CHI3L2: variants seen among roughly 807,000 people sequenced by gnomAD.
CHI3L2 encodes the protein chitinase-3-like protein 2.
A neutral mutation model predicts 47.3 loss-of-function variants in CHI3L2; 47 were observed. That is an observed-to-expected ratio of 0.99 (90% CI 0.79 to 1.27). The LOEUF is 1.27. Among genes scored for constraint, CHI3L2 ranks in the 50% most tolerant of loss-of-function variants. The pLI, the probability that CHI3L2 is intolerant of heterozygous loss-of-function variation, is 0.00. For synonymous variants in CHI3L2, 198 were observed against 169.9 expected, an observed-to-expected ratio of 1.17 and a Z score of -1.28; for missense variants, 497 against 462.1, an observed-to-expected ratio of 1.08 and a Z score of -0.69.
intron 4 of CHI3L2, among the ~76,000 whole-genome samples, chr1:111,233,280 T>C (rs1659779568): frequency 6.6e-6 from 1 of 152,116 alleles, no homozygotes; most frequent in South Asian, 2.1e-4. Flanking sequence ...GGGATGCTTG[T>C]TTGGGGACCA....
intron 7 of CHI3L2, among the ~76,000 whole-genome samples, chr1:111,238,193 C>T (rs1206450216): frequency 1.3e-5 from 2 of 152,218 alleles, no homozygotes; most frequent in Non-Finnish European, 2.9e-5. Flanking sequence ...TGAAATCAAG[C>T]TGTAACCTGA....
At chr1:111,243,145 A>C (rs1315881913) in intron 10 of CHI3L2, 72 bp from the exon 11 acceptor site, 1 of 455,922 alleles carries the variant, frequency 2.2e-6, no homozygotes, top group Admixed American at 2.3e-5. Flanking sequence ...CTGAGCATCC[A>C]TTGTTTAGTA....
chr1:111,233,759 G>T (rs1659796686), intron 4 of CHI3L2, among the ~76,000 whole-genome samples: 1 of 151,902 alleles, frequency 6.6e-6, no homozygotes, highest in Non-Finnish European at 1.5e-5. Context: ...AGGGGGGAAA[G>T]GTGGGGAAAA....
chr1:111,237,336 T>G (rs996445713), intron 7 of CHI3L2, among the ~76,000 whole-genome samples: 1 of 152,234 alleles, frequency 6.6e-6, no homozygotes, highest in African/African-American at 2.4e-5. Context: ...GCTTGGAGGT[T>G]AGAAGCAAGA....
intron 7 of CHI3L2, among the ~76,000 whole-genome samples, chr1:111,236,459 C>T (rs747121549): frequency 2.0e-5 from 3 of 152,186 alleles, no homozygotes; most frequent in Non-Finnish European, 4.4e-5. Flanking sequence ...GGCATCTACA[C>T]AGGAGAACAG....
chr1:111,237,063 A>G (rs570018379), intron 7 of CHI3L2, among the ~76,000 whole-genome samples: 69 of 152,116 alleles, frequency 4.5e-4, no homozygotes, highest in Non-Finnish European at 8.5e-4. Context: ...TCAAGCACTG[A>G]TCTTAGGTTT....
In CHI3L2 at chr1:111,229,843, C is replaced by G; in HGVS notation, c.41-9C>G. 1.2e-6 allele frequency: 2 copies of G among 1,614,028 alleles called. No homozygotes were observed. The highest frequency in any genetic ancestry group is 1.7e-6 in the Non-Finnish European group (2 of 1,179,980). On this transcript the variant is annotated splice_polypyrimidine_tract_variant and intron_variant, in intron 1 of 10. Transcript: ENST00000369748. ...TCAACAGATTTCTCTTTCCACCCAT[C>G]TATTGCAGGTGTAGTGGTCTTGCTG...
Position 111,230,885 on chromosome 1 carries a change from A to G in CHI3L2, c.214A>G (p.Ile72Val). ...CGCCAGCATCGAAAACAACAAGGTT[A>G]TCATCAAGGACAAGAGTGAAGTGAT... is the stretch of plus-strand genomic sequence containing the variant. Reference protein sequence around the residue: ...SFASIENNKVIIKDKSEVMLY... With the variant: ...SFASIENNKVVIKDKSEVMLY... The change falls in exon 3 of 11, where the codon ATC becomes GTC. Residue 72 changes from isoleucine (I) to valine (V), a missense_variant. Physicochemically the swap from Ile to Val is conservative, Grantham distance 29. Coordinates refer to ENST00000369748, the MANE Select transcript of CHI3L2 (RefSeq NM_004000.3). The G allele has an allele frequency of 6.2e-7, 1 of 1,614,206 alleles. No individual in the cohort carries two copies. Among genetic ancestry groups the G allele is most frequent in the Middle Eastern group, 1.6e-4 (1 of 6,062 alleles).
rs1450784126 is a variant in CHI3L2 at position 111,243,216 on chromosome 1, G to A, written c.*3-1G>A. 2.2e-6 allele frequency: 1 copy of A among 456,028 alleles called. No homozygotes were observed. The highest frequency in any genetic ancestry group is 2.3e-5 in the Admixed American group (1 of 42,570). The allele number at this position is 456,028 out of a possible 1,614,324, so 28.2% of individuals were successfully genotyped here. A position where few individuals can be genotyped will look rare whatever the true frequency, so the allele number is the denominator to read the frequency against. On this transcript the variant is annotated splice_acceptor_variant, in intron 10 of 10. Coordinates refer to ENST00000369748, the MANE Select transcript of CHI3L2 (RefSeq NM_004000.3). LOFTEE classifies it low-confidence loss of function (3UTR_SPLICE). ...TGAAATATTTTTCCTTTTGTTTCCA[G>A]GATTAACTTACAGAGAAGCAGGCAA... is the stretch of plus-strand genomic sequence containing the variant.
intron 8 of CHI3L2, chr1:111,239,320 G>C: frequency 5.7e-6 from 1 of 174,194 alleles, no homozygotes; most frequent in Non-Finnish European, 1.2e-5. Context: ...GATCAGTTTT[G>C]GACGTTCTGA....
chr1:111,230,972 G>A (rs1267105564), intron 3 of CHI3L2, 29 bp downstream of exon 3: 1 of 1,585,088 alleles, frequency 6.3e-7, no homozygotes, highest in Non-Finnish European at 8.7e-7. Context: ...GAAGCATCCT[G>A]CATGGATTTT....
chr1:111,238,331 C>T (rs1054282421), intron 7 of CHI3L2, among the ~76,000 whole-genome samples: 17 of 152,160 alleles, frequency 1.1e-4, no homozygotes, highest in African/African-American at 4.1e-4. Context: ...TGACATGTCC[C>T]ATTGGGTGCA....
chr1:111,238,781 G>A lies in CHI3L2; in HGVS notation c.767G>A (p.Gly256Glu), dbSNP rs770490468. Reference protein sequence around the residue: ...EYAVGYWIHKGMPSEKVVMGI... With the variant: ...EYAVGYWIHKEMPSEKVVMGI... ...GCTGTGGGGTACTGGATACATAAGGGAATGCCATCAGAGAAGGTGGTCATG... is the reference window on the plus strand; with the variant it reads ...GCTGTGGGGTACTGGATACATAAGGAAATGCCATCAGAGAAGGTGGTCATG... Residue 256 changes from glycine (G) to glutamate (E), a missense_variant, in exon 8 of 11, where the codon GGA (glycine) becomes GAA (glutamate). By Grantham distance (98) the Gly-to-Glu change is moderately conservative (BLOSUM62 -2). Coordinates refer to ENST00000369748, the MANE Select transcript of CHI3L2 (RefSeq NM_004000.3). 6.2e-7 allele frequency: 1 copy of A among 1,613,908 alleles called. No individual in the cohort carries two copies. The highest frequency in any genetic ancestry group is 2.2e-5 in the East Asian group (1 of 44,860).
intron 8 of CHI3L2, chr1:111,239,198 A>G (rs1659976007): frequency 2.8e-6 from 1 of 351,300 alleles, no homozygotes; most frequent in African/African-American, 2.1e-5. Flanking sequence ...GAAATTGAAA[A>G]AGGAAGACTA....
chr1:111,236,253 G>C (rs113388792), intron 7 of CHI3L2, 100 bp downstream of exon 7: 26,454 of 1,320,818 alleles, frequency 0.02, 339 homozygotes, highest in Non-Finnish European at 0.023. Context: ...CTGAGGAAGA[G>C]CTATGAGCCC....
In CHI3L2 at chr1:111,229,874, C is replaced by G; in HGVS notation, c.63C>G (p.Leu21=). The G allele has an allele frequency of 6.2e-7, 1 of 1,613,786 alleles. No individual in the cohort carries two copies. Among genetic ancestry groups the G allele is most frequent in the Non-Finnish European group, 8.5e-7 (1 of 1,179,870 alleles). Residue 21 remains leucine, a synonymous_variant, in exon 2 of 11, where the codon CTC becomes CTG. Coordinates refer to ENST00000369748, the MANE Select transcript of CHI3L2 (RefSeq NM_004000.3). ...LWAGVVVLLL[L]QGGSAYKLVC... ...CAGGTGTAGTGGTCTTGCTGCTTCT[C>G]CAGGGAGGTAAGTAGTCAATAAGTC...
At chr1:111,229,964 C>A in intron 2 of CHI3L2, 83 bp downstream of exon 2, 1 of 1,467,916 alleles carries the variant, frequency 6.8e-7, no homozygotes, top group Non-Finnish European at 9.5e-7. Context: ...TTTTCTGCTA[C>A]ATGCTTTTTC....
Position 111,230,738 on chromosome 1 carries a change from C to T in CHI3L2, c.71-4C>T. The T allele has an allele frequency of 1.2e-6, 2 of 1,613,924 alleles. No individual in the cohort carries two copies. Among genetic ancestry groups the T allele is most frequent in the Non-Finnish European group, 1.7e-6 (2 of 1,179,820 alleles). ...TCTCACTGGCTCTCTTCACTCTACT[C>T]CAGGATCTGCCTACAAACTGGTTTG... On this transcript the variant is annotated splice_polypyrimidine_tract_variant and splice_region_variant and intron_variant, in intron 2 of 10. Coordinates refer to ENST00000369748, the MANE Select transcript of CHI3L2 (RefSeq NM_004000.3).
chr1:111,242,193 C>T (rs370082638), intron 9 of CHI3L2, 34 bp from the exon 10 acceptor site: 26 of 1,613,554 alleles, frequency 1.6e-5, no homozygotes, highest in Non-Finnish European at 2.0e-5. Flanking sequence ...GGCCACCCTT[C>T]GAATCTCTGT....
Sources: gnomAD v4.1 joint callset for allele counts (sites outside exome capture counted in the v4.1 genomes callset) on GRCh38, gnomAD v4.1.1 for gene constraint, MANE v1.5 for transcripts, NCBI Gene and HGNC (gene_info 2026-07-23, HGNC 2026-07-21) for gene names.